The following NEK10 variants were observed in gnomAD, a reference collection of about 807,000 sequenced individuals.
NEK10 encodes NIMA related kinase 10, also known as serine/threonine-protein kinase Nek10.
Under a neutral mutation model 159.8 loss-of-function variants are expected in NEK10, and 122 were observed. The observed-to-expected ratio is 0.76, with a 90% CI of 0.66 to 0.89. The LOEUF (loss-of-function observed/expected upper bound fraction) is 0.89. NEK10 is among the 40% of genes least tolerant of loss of function. The pLI is 0.00. For missense variants in NEK10, 1,342 were observed against 1,323.1 expected (o/e 1.01, Z -0.22); for synonymous variants, 466 against 457.1 (o/e 1.02, Z -0.25).
At chr3:27,146,324 A>G (rs896722449) in intron 30 of NEK10, among the ~76,000 whole-genome samples, 1 of 152,214 alleles carries the variant, frequency 6.6e-6, no homozygotes, top group Admixed American at 6.5e-5. Context: ...TTAAACCCAA[A>G]AAAGTGGGTT....
intron 25 of NEK10, among the ~76,000 whole-genome samples, chr3:27,200,370 CT>C (rs1417377638): frequency 2.0e-5 from 3 of 152,116 alleles, no homozygotes. Context: ...AAGATTCTAT[CT>C]GGGGTGACTC....
intron 31 of NEK10, among the ~76,000 whole-genome samples, chr3:27,132,322 C>G (rs968534131): frequency 6.6e-6 from 1 of 152,184 alleles, no homozygotes; most frequent in Non-Finnish European, 1.5e-5. Flanking sequence ...GAATGGTGCA[C>G]TTTTATCAGA....
chr3:27,129,109 A>G lies in NEK10; in HGVS notation c.3081+2771T>C, dbSNP rs116955360. On this transcript the variant is annotated intron_variant, in intron 32 of 35. Transcript: ENST00000691995. ...AAAATCCTAGTTCCCAAGGGTACCT[A>G]TACAATTACTTGGTTGCTTTACTCC... Among the ~76,000 whole-genome samples, 448 of 152,210 alleles carry G rather than the reference A, an allele frequency of 2.9e-3. 9 individuals carry two copies. The East Asian group carries it at 0.042, about 14-fold the overall frequency.
chr3:27,256,375 C>A lies in NEK10; in HGVS notation c.2015-4G>T. The A allele has an allele frequency of 6.4e-7, 1 of 1,563,342 alleles. No homozygotes were observed. Among genetic ancestry groups the A allele is most frequent in the Non-Finnish European group, 8.6e-7 (1 of 1,157,216 alleles). On this transcript the variant is annotated splice_region_variant and splice_polypyrimidine_tract_variant and intron_variant, in intron 22 of 35. Coordinates refer to ENST00000691995, the MANE Select transcript of NEK10 (RefSeq NM_001394966.1). ...TGCTTTGCCAGGCCAAAGTCAGCTA[C>A]AATTCACAAAACAACGCAATATGTT...
intron 30 of NEK10, among the ~76,000 whole-genome samples, chr3:27,156,931 T>TAC (rs1445921367): frequency 7.4e-3 from 39 of 5,298 alleles, no homozygotes; most frequent in Non-Finnish European, 0.011. Flanking sequence ...AAGAAACTGA[T>TAC]ATATATATAT....
chr3:27,215,270 T>C (rs1951399193), intron 23 of NEK10, among the ~76,000 whole-genome samples: 1 of 152,206 alleles, frequency 6.6e-6, no homozygotes, highest in African/African-American at 2.4e-5. Context: ...TTTATTGTGT[T>C]CCATTTAGGA....
chr3:27,265,500 GT>G (rs1168614459), intron 22 of NEK10: 1 of 152,140 alleles, frequency 6.6e-6, no homozygotes, highest in Non-Finnish European at 1.5e-5. Flanking sequence ...TCTCAGTATA[GT>G]TTTGATTTGC....
intron 23 of NEK10, among the ~76,000 whole-genome samples, chr3:27,213,953 T>C (rs1951249500): frequency 6.6e-6 from 1 of 152,222 alleles, no homozygotes; most frequent in Non-Finnish European, 1.5e-5. Flanking sequence ...TAGAACCTTT[T>C]AAAGGTAGGA....
intron 33 of NEK10, among the ~76,000 whole-genome samples, chr3:27,119,142 T>C (rs1940928299): frequency 6.6e-6 from 1 of 152,224 alleles, no homozygotes; most frequent in Non-Finnish European, 1.5e-5. Flanking sequence ...TTATTTTTAC[T>C]CTAATCCTCA....
At chr3:27,252,399 A>G (rs1955762015) in intron 23 of NEK10, among the ~76,000 whole-genome samples, 1 of 152,240 alleles carries the variant, frequency 6.6e-6, no homozygotes, top group African/African-American at 2.4e-5. Context: ...GGAGATCTGA[A>G]GGAACAGCAA....
At chr3:27,241,562 C>G (rs1221574749) in intron 23 of NEK10, among the ~76,000 whole-genome samples, 1 of 152,196 alleles carries the variant, frequency 6.6e-6, no homozygotes, top group Non-Finnish European at 1.5e-5. Flanking sequence ...TCCCAAGTAC[C>G]TCAACAGATT....
chr3:27,313,265 A>C (rs1163194922), intron 7 of NEK10, among the ~76,000 whole-genome samples: 1 of 105,896 alleles, frequency 9.4e-6, no homozygotes, highest in Non-Finnish European at 2.4e-5. Context: ...ACCCTATCTC[A>C]AAAAAAAAAA....
chr3:27,192,833 T>C (rs1949234394), intron 25 of NEK10, among the ~76,000 whole-genome samples: 2 of 152,214 alleles, frequency 1.3e-5, no homozygotes. Context: ...GTCATCTCCT[T>C]GCCCAAGGTT....
chr3:27,131,408 T>G (rs1942607454), intron 32 of NEK10, among the ~76,000 whole-genome samples: 1 of 152,224 alleles, frequency 6.6e-6, no homozygotes, highest in Non-Finnish European at 1.5e-5. Flanking sequence ...CAGAAATGTC[T>G]GCTAGTATCT....
intron 32 of NEK10, among the ~76,000 whole-genome samples, chr3:27,124,868 A>G (rs1452755266): frequency 6.6e-6 from 1 of 152,172 alleles, no homozygotes; most frequent in Admixed American, 6.6e-5. Flanking sequence ...CAATGGCTAG[A>G]TGAGGCCATG....
intron 28 of NEK10, among the ~76,000 whole-genome samples, chr3:27,172,493 C>T (rs1179873263): frequency 2.6e-5 from 4 of 151,966 alleles, no homozygotes; most frequent in East Asian, 1.9e-4. Flanking sequence ...TCTCTACTCT[C>T]GTGTTTATTG....
chr3:27,264,123 G>C (rs11129278), intron 22 of NEK10, among the ~76,000 whole-genome samples: 39,089 of 151,948 alleles, frequency 0.26, 5,194 homozygotes, highest in Middle Eastern at 0.38. Flanking sequence ...TATTAATCTG[G>C]GGTTGCTTGA....
intron 23 of NEK10, among the ~76,000 whole-genome samples, chr3:27,247,826 T>C (rs940827503): frequency 6.6e-6 from 1 of 150,782 alleles, no homozygotes; most frequent in Admixed American, 6.6e-5. Context: ...TTTTCTTTTT[T>C]TTTTTTTTTT....
chr3:27,352,202 G>A (rs952439428), intron 3 of NEK10, among the ~76,000 whole-genome samples: 3 of 152,270 alleles, frequency 2.0e-5, no homozygotes, highest in South Asian at 2.1e-4. Flanking sequence ...TTTACAGACC[G>A]AAGAGGAAAG....
Sources: allele counts gnomAD v4.1 joint callset (sites outside exome capture counted in the v4.1 genomes callset), GRCh38; gene constraint gnomAD v4.1.1; transcripts MANE v1.5; gene names NCBI Gene and HGNC (gene_info 2026-07-23, HGNC 2026-07-21).